The following GRAP2 variants were observed in gnomAD, a reference collection of about 807,000 sequenced individuals.
GRAP2 encodes GRB2 related adaptor protein 2, also known as GRB2-related adapter protein 2.
A neutral mutation model predicts 43.5 loss-of-function variants in GRAP2; 31 were observed. The observed-to-expected ratio is 0.71, with a 90% confidence interval of 0.54 to 0.96. The LOEUF is 0.96. Among genes scored for constraint, GRAP2 ranks in the 40% least tolerant of loss-of-function variants. The pLI, the probability that GRAP2 is intolerant of heterozygous loss-of-function variation, is 0.00. For synonymous variants in GRAP2, 156 were observed against 164.8 expected (o/e 0.95, Z 0.41); for missense variants, 371 against 424.4 (o/e 0.87, Z 1.11).
intron 2 of GRAP2, among the ~76,000 whole-genome samples, chr22:39,952,585 C>CA: frequency 6.6e-6 from 1 of 152,286 alleles, no homozygotes; most frequent in Middle Eastern, 3.4e-3. Flanking sequence ...TCAGCACACA[C>CA]ATACCCACAT....
intron 1 of GRAP2, among the ~76,000 whole-genome samples, chr22:39,908,007 T>C (rs2145571036): frequency 6.6e-6 from 1 of 152,350 alleles, no homozygotes; most frequent in East Asian, 1.9e-4. Flanking sequence ...GATGGGCTTC[T>C]GGAAAGCTGA....
intron 1 of GRAP2, among the ~76,000 whole-genome samples, chr22:39,905,524 C>T (rs2066517537): frequency 6.6e-6 from 1 of 152,058 alleles, no homozygotes; most frequent in Admixed American, 6.6e-5. Context: ...AATGGGATTA[C>T]TAATGGTGCC....
At chr22:39,906,220 A>G (rs1196718405) in intron 1 of GRAP2, among the ~76,000 whole-genome samples, 1 of 152,186 alleles carries the variant, frequency 6.6e-6, no homozygotes, top group Non-Finnish European at 1.5e-5. Flanking sequence ...TTTCTGTACT[A>G]TATAAGATTT....
intron 1 of GRAP2, among the ~76,000 whole-genome samples, chr22:39,934,986 T>C (rs1332576608): frequency 6.6e-6 from 1 of 152,216 alleles, no homozygotes; most frequent in African/African-American, 2.4e-5. Context: ...TCAGACCATA[T>C]CTTGAATACT....
intron 1 of GRAP2, among the ~76,000 whole-genome samples, chr22:39,908,692 C>CAAA (rs2066539148): frequency 6.6e-6 from 1 of 152,174 alleles, no homozygotes; most frequent in Non-Finnish European, 1.5e-5. Context: ...TCACCACTCT[C>CAAA]CCTTGGCCTT....
intron 1 of GRAP2, among the ~76,000 whole-genome samples, chr22:39,904,398 AAAAAG>A (rs568359773): frequency 1.3e-5 from 2 of 152,254 alleles, no homozygotes; most frequent in East Asian, 1.9e-4. Flanking sequence ...AAAAAGAGGA[AAAAAG>A]AAAAGAAAAG....
At chr22:39,954,335 C>A (rs2067021946) in intron 2 of GRAP2, among the ~76,000 whole-genome samples, 1 of 152,178 alleles carries the variant, frequency 6.6e-6, no homozygotes, top group South Asian at 2.1e-4. Flanking sequence ...TATCAGAGTT[C>A]TTTCCATCTT....
At chr22:39,906,441 A>G (rs1175387872) in intron 1 of GRAP2, among the ~76,000 whole-genome samples, 1 of 152,242 alleles carries the variant, frequency 6.6e-6, no homozygotes, top group Non-Finnish European at 1.5e-5. Context: ...CTCCTTCATT[A>G]GCATTACAAA....
At chr22:39,952,030 T>C (rs1378818603) in intron 2 of GRAP2, among the ~76,000 whole-genome samples, 2 of 150,860 alleles carry the variant, frequency 1.3e-5, no homozygotes, top group Non-Finnish European at 3.0e-5. Context: ...TTTTTTTTTT[T>C]TTTTTTTTCT....
chr22:39,930,639 G>A (rs1009743710), intron 1 of GRAP2, among the ~76,000 whole-genome samples: 5 of 152,028 alleles, frequency 3.3e-5, no homozygotes, highest in African/African-American at 4.8e-5. Context: ...CCTTCATACT[G>A]CCATCTGATT....
chr22:39,971,070 C>A lies in GRAP2; in HGVS notation c.979C>A (p.Pro327Thr), dbSNP rs757386785. ...LGLFPANYVAPMTR is the reference protein window; with the variant it reads ...LGLFPANYVATMTR ...CCTCTTCCCTGCCAACTACGTGGCA[C>A]CCATGACCCGATAAACTCTTCAGGG... The change falls in exon 8 of 8, where the codon CCC becomes ACC. Residue 327 changes from proline (P) to threonine (T), a missense_variant. Transcript: ENST00000344138. 4.3e-6 allele frequency: 7 copies of A among 1,611,856 alleles called. No homozygotes were observed. Among genetic ancestry groups the A allele is most frequent in the Non-Finnish European group, 5.9e-6 (7 of 1,178,696 alleles).
chr22:39,919,787 C>T (rs1057403560), intron 1 of GRAP2, among the ~76,000 whole-genome samples: 2 of 152,134 alleles, frequency 1.3e-5, no homozygotes, highest in African/African-American at 2.4e-5. Flanking sequence ...GTAAGTCCTC[C>T]CATAAATATG....
At chr22:39,901,429 C>G in intron 1 of GRAP2, 99 bp downstream of exon 1, 1 of 435,064 alleles carries the variant, frequency 2.3e-6, no homozygotes. Context: ...ATGAATCTCA[C>G]TAGTTCTCTA....
At chr22:39,934,962 C>T (rs2145613110) in intron 1 of GRAP2, among the ~76,000 whole-genome samples, 1 of 152,266 alleles carries the variant, frequency 6.6e-6, no homozygotes, top group South Asian at 2.1e-4. Context: ...TCATCCTATT[C>T]TACTCAGCCC....
At chr22:39,923,480 A>G (rs950733185) in intron 1 of GRAP2, among the ~76,000 whole-genome samples, 1 of 152,234 alleles carries the variant, frequency 6.6e-6, no homozygotes, top group African/African-American at 2.4e-5. Flanking sequence ...TATGCCTAGC[A>G]TAGTATATAT....
chr22:39,934,134 T>C (rs932827823), intron 1 of GRAP2, among the ~76,000 whole-genome samples: 3 of 152,194 alleles, frequency 2.0e-5, no homozygotes, highest in Non-Finnish European at 4.4e-5. Context: ...TTCTTTTTCC[T>C]GTGGGGTTAT....
intron 5 of GRAP2, among the ~76,000 whole-genome samples, chr22:39,967,410 G>A (rs773958480): frequency 2.0e-5 from 3 of 152,276 alleles, no homozygotes; most frequent in African/African-American, 4.8e-5. Context: ...TTTGTAAAGC[G>A]CTTAGAACAG....
At chr22:39,943,546 C>G (rs866421534) in intron 1 of GRAP2, among the ~76,000 whole-genome samples, 20 of 151,556 alleles carry the variant, frequency 1.3e-4, no homozygotes, top group African/African-American at 4.9e-4. Flanking sequence ...ATCAGGTTGG[C>G]GGGGTGGGGG....
At chr22:39,965,799 T>G (rs1048951356) in intron 4 of GRAP2, among the ~76,000 whole-genome samples, 191 bp from the exon 5 acceptor site, 2 of 152,188 alleles carry the variant, frequency 1.3e-5, no homozygotes, top group African/African-American at 4.8e-5. Context: ...ATAGCCTGTA[T>G]CCTAAGTGGT....
Sources: allele counts gnomAD v4.1 joint callset (sites outside exome capture counted in the v4.1 genomes callset), GRCh38; gene constraint gnomAD v4.1.1; transcripts MANE v1.5; gene names NCBI Gene and HGNC (gene_info 2026-07-23, HGNC 2026-07-21).